Variants in PARD3B observed in about 807,000 individuals in gnomAD.
PARD3B encodes partitioning defective 3 homolog B.
Under a neutral mutation model 130.2 loss-of-function variants are expected in PARD3B, and 103 were observed. The ratio of observed to expected loss-of-function variants is 0.79; its 90% confidence interval spans 0.67 to 0.93. The LOEUF (loss-of-function observed/expected upper bound fraction) is 0.93, where lower values mean the gene tolerates loss of function less well. Among genes scored for constraint, PARD3B ranks in the 40% least tolerant of loss-of-function variants. PARD3B has a pLI of 0.00. For synonymous variants in PARD3B, 583 were observed against 553.2 expected, an observed-to-expected ratio of 1.05 and a Z score of -0.76; for missense variants, 1,609 against 1,499.2, an observed-to-expected ratio of 1.07 and a Z score of -1.21.
chr2:205,078,600 A>G lies in PARD3B; in HGVS notation c.505-25826A>G, dbSNP rs890765262. 6.6e-6 allele frequency among the ~76,000 whole-genome samples: 1 copy of G among 152,186 alleles called. No individual in the cohort carries two copies. The highest frequency in any genetic ancestry group is 2.4e-5 in the African/African-American group (1 of 41,456). ...TTTAATCCATAGGGTAAGTGTGGAG[A>G]TTGTCAAACATGTTAATAAAATATT... On this transcript the variant is annotated intron_variant, in intron 4 of 22. Transcript: ENST00000406610. The surrounding 1 kb of genome is among the most constrained non-coding windows in gnomAD (Gnocchi z 4.0).
chr2:204,772,651 A>G (rs1308927224), intron 2 of PARD3B, among the ~76,000 whole-genome samples: 1 of 152,188 alleles, frequency 6.6e-6, no homozygotes, highest in Non-Finnish European at 1.5e-5. Flanking sequence ...TTTAGGATAA[A>G]TAATAGAAAA....
At chr2:205,155,201 T>A (rs1183101168) in intron 10 of PARD3B, among the ~76,000 whole-genome samples, 1 of 152,196 alleles carries the variant, frequency 6.6e-6, no homozygotes, top group Non-Finnish European at 1.5e-5. Context: ...CACTGGGGCC[T>A]GAATTCAGCC....
chr2:204,594,111 C>T (rs915253732), intron 1 of PARD3B, among the ~76,000 whole-genome samples: 1 of 152,106 alleles, frequency 6.6e-6, no homozygotes. Context: ...TGCAGTAAAG[C>T]AGATACTGGG....
At chr2:204,976,391 G>A (rs371030240) in intron 3 of PARD3B, among the ~76,000 whole-genome samples, 100 of 152,148 alleles carry the variant, frequency 6.6e-4, no homozygotes, top group African/African-American at 2.3e-3. Context: ...TATAAAACAA[G>A]GGTAATATTA....
chr2:204,684,766 T>C (rs1161071858), intron 1 of PARD3B, among the ~76,000 whole-genome samples: 6 of 152,170 alleles, frequency 3.9e-5, no homozygotes, highest in African/African-American at 1.4e-4. Flanking sequence ...TGCCACAGAG[T>C]CAGGCATTTA....
intron 18 of PARD3B, among the ~76,000 whole-genome samples, chr2:205,398,460 A>T (rs1045560411): frequency 6.6e-6 from 1 of 152,230 alleles, no homozygotes; most frequent in African/African-American, 2.4e-5. Flanking sequence ...AGACTGGGGG[A>T]TGATAGCATT....
chr2:204,647,870 A>G (rs1218971016), intron 1 of PARD3B, among the ~76,000 whole-genome samples: 1 of 151,738 alleles, frequency 6.6e-6, no homozygotes, highest in East Asian at 1.9e-4. Flanking sequence ...AGGAGATATT[A>G]AACTTTGAGT....
intron 3 of PARD3B, among the ~76,000 whole-genome samples, chr2:205,036,352 G>C (rs1202771150): frequency 7.3e-6 from 1 of 136,358 alleles, no homozygotes; most frequent in Non-Finnish European, 1.6e-5. Context: ...TATGTATATA[G>C]TGGGCTATAT....
At chr2:205,184,959 A>G (rs1239561480) in intron 13 of PARD3B, among the ~76,000 whole-genome samples, 1 of 152,086 alleles carries the variant, frequency 6.6e-6, no homozygotes, top group Non-Finnish European at 1.5e-5. Context: ...CTTTACCACG[A>G]TGTTATATAA....
rs962193172 is a variant in PARD3B, at chr2:204,582,177, T to C, written c.120+36058T>C. Reference sequence around the variant, plus strand: ...GAGCTCTGCATAGGTTGCTTAAACGTACAGCCCACTCAATGAGATAATTTC... The same window carrying C: ...GAGCTCTGCATAGGTTGCTTAAACGCACAGCCCACTCAATGAGATAATTTC... On this transcript the variant is annotated intron_variant, in intron 1 of 22. Transcript: ENST00000406610. Among the ~76,000 whole-genome samples, 3 of 152,172 alleles carry C rather than the reference T, an allele frequency of 2.0e-5. No individual in the cohort carries two copies. The East Asian group carries it at 5.8e-4, about 29-fold the overall frequency.
chr2:204,560,697 G>A (rs1252495124), intron 1 of PARD3B, among the ~76,000 whole-genome samples: 2 of 152,074 alleles, frequency 1.3e-5, no homozygotes, highest in African/African-American at 2.4e-5. Context: ...GTTGTGGGAC[G>A]GGTAGTAGGG....
chr2:204,744,770 A>G (rs1438606733), intron 2 of PARD3B, among the ~76,000 whole-genome samples: 1 of 152,124 alleles, frequency 6.6e-6, no homozygotes, highest in Admixed American at 6.6e-5. Context: ...CCAGGCGGAA[A>G]ACAGTGAAGT....
At chr2:205,193,129 A>C (rs2125805650) in intron 14 of PARD3B, 76 bp from the exon 15 acceptor site, 2 of 1,051,798 alleles carry the variant, frequency 1.9e-6, no homozygotes, top group East Asian at 4.8e-5. Flanking sequence ...GGCTGTGTTC[A>C]AAATGAGAAC....
intron 21 of PARD3B, among the ~76,000 whole-genome samples, chr2:205,539,577 C>G (rs1357946423): frequency 2.0e-5 from 3 of 152,186 alleles, no homozygotes; most frequent in African/African-American, 7.2e-5. Context: ...CCAGACTGTT[C>G]ACGAAGTAGC....
intron 2 of PARD3B, among the ~76,000 whole-genome samples, chr2:204,962,801 A>T (rs1559304012): frequency 6.6e-6 from 1 of 152,212 alleles, no homozygotes; most frequent in Admixed American, 6.5e-5. Flanking sequence ...ATGACAGGTC[A>T]GGAGCTGGTC....
intron 18 of PARD3B, among the ~76,000 whole-genome samples, chr2:205,343,030 A>G (rs566935028): frequency 6.7e-4 from 102 of 152,316 alleles, no homozygotes; most frequent in African/African-American, 2.4e-3. Context: ...ATTAGGAAGG[A>G]AACTCCCAAA....
At chr2:204,783,872 A>T (rs2041921929) in intron 2 of PARD3B, among the ~76,000 whole-genome samples, 1 of 152,132 alleles carries the variant, frequency 6.6e-6, no homozygotes, top group Admixed American at 6.5e-5. Flanking sequence ...TTAGGGTATC[A>T]TCTTCGATGA....
Position 205,351,073 on chromosome 2 carries a change from T to C in PARD3B, c.2630+49372T>C, listed in dbSNP as rs554366841. Among the ~76,000 whole-genome samples the C allele has an allele frequency of 6.6e-5, 10 of 152,352 alleles. No homozygotes were observed. The highest frequency in any genetic ancestry group is 6.5e-4 in the Admixed American group (10 of 15,298). Reference sequence around the variant, plus strand: ...CTTCTTGGTTCAGTCTTGCTGGTTTTCTCTTCAAATTAAGTGAAATTCTCT... The same window carrying C: ...CTTCTTGGTTCAGTCTTGCTGGTTTCCTCTTCAAATTAAGTGAAATTCTCT... On this transcript the variant is annotated intron_variant, in intron 18 of 22. Coordinates refer to ENST00000406610, the MANE Select transcript of PARD3B (RefSeq NM_001302769.2). The surrounding 1 kb of genome is among the most constrained non-coding windows in gnomAD (Gnocchi z 4.2).
At chr2:204,991,061 C>A (rs1016187634) in intron 3 of PARD3B, among the ~76,000 whole-genome samples, 17 of 151,616 alleles carry the variant, frequency 1.1e-4, no homozygotes, top group African/African-American at 4.1e-4. Flanking sequence ...TAAACTATTT[C>A]AGTTGTCATT....
Sources: gnomAD v4.1 joint callset for allele counts (sites outside exome capture counted in the v4.1 genomes callset) on GRCh38, gnomAD v4.1.1 for gene constraint, Gnocchi (gnomAD v3.1) non-coding constraint, MANE v1.5 for transcripts, NCBI Gene and HGNC (gene_info 2026-07-23, HGNC 2026-07-21) for gene names.